Variants in GARNL3 observed in about 807,000 individuals in gnomAD.
GARNL3 encodes the protein GTPase activating Rap/RanGAP domain like 3.
A neutral mutation model predicts 125.0 loss-of-function variants in GARNL3; 63 were observed. The ratio of observed to expected loss-of-function variants is 0.50; its 90% CI spans 0.41 to 0.62. The LOEUF (loss-of-function observed/expected upper bound fraction) is 0.62, where lower values mean the gene tolerates loss of function less well. Ranked by LOEUF, GARNL3 falls within the 20% of genes least tolerant of loss-of-function variation. The probability of loss-of-function intolerance (pLI) is 0.00; values close to 1 mark genes in which losing one functional copy is unlikely to be tolerated. For synonymous variants in GARNL3, 439 were observed against 457.5 expected (o/e 0.96, Z 0.52); for missense variants, 994 against 1,244.0 (o/e 0.80, Z 3.02).
rs1246291877 is a variant in GARNL3, at chr9:127,332,364, C to T, written c.670+15C>T. On this transcript the variant is annotated intron_variant, in intron 8 of 27. Transcript: ENST00000373387. ...GTTCAGCAATGGTGAGTGATCTCCTCCCGCTCTCTGCTGCCAGAGACCCTG... is the reference window on the plus strand; with the variant it reads ...GTTCAGCAATGGTGAGTGATCTCCTTCCGCTCTCTGCTGCCAGAGACCCTG... 8 of 1,607,486 alleles carry T rather than the reference C, an allele frequency of 5.0e-6. No homozygotes were observed. The highest frequency in any genetic ancestry group is 8.5e-7 in the Non-Finnish European group (1 of 1,174,198).
intron 21 of GARNL3, among the ~76,000 whole-genome samples, chr9:127,359,346 C>T (rs750539996): frequency 3.3e-5 from 5 of 152,170 alleles, no homozygotes; most frequent in East Asian, 1.9e-4. Context: ...AAAAATTAGC[C>T]GGGTCTGGTG....
chr9:127,317,891 A>G (rs749104747), intron 4 of GARNL3, among the ~76,000 whole-genome samples, 172 bp from the exon 5 acceptor site: 18 of 152,236 alleles, frequency 1.2e-4, no homozygotes, highest in Non-Finnish European at 2.5e-4. Context: ...GGAAGTTGCT[A>G]TCAAACCTGA....
intron 1 of GARNL3, among the ~76,000 whole-genome samples, chr9:127,231,258 G>C (rs1437554093): frequency 1.9e-5 from 2 of 106,482 alleles, no homozygotes; most frequent in Non-Finnish European, 3.7e-5. Context: ...ATTTTTAGTA[G>C]AGACAGGGTT....
chr9:127,392,958 A>T lies in GARNL3; in HGVS notation c.2871-125A>T. On this transcript the variant is annotated intron_variant, in intron 27 of 27. Transcript: ENST00000373387. The surrounding 1 kb of genome is among the most constrained non-coding windows in gnomAD (Gnocchi z 5.2). Reference sequence around the variant, plus strand: ...ATTCCAGCACTTCCCCACCTCTACCACATAACAGTGAGGGTTTGGTGAGCC... The same window carrying T: ...ATTCCAGCACTTCCCCACCTCTACCTCATAACAGTGAGGGTTTGGTGAGCC... 1 of 754,340 alleles carries T rather than the reference A, an allele frequency of 1.3e-6. No individual in the cohort carries two copies. The highest frequency in any genetic ancestry group is 2.2e-6 in the Non-Finnish European group (1 of 456,920). The allele number at this position is 754,340 out of a possible 1,614,324, so 46.7% of individuals were successfully genotyped here.
chr9:127,326,530 G>T (rs1289309694), intron 7 of GARNL3, among the ~76,000 whole-genome samples: 1 of 152,156 alleles, frequency 6.6e-6, no homozygotes, highest in Non-Finnish European at 1.5e-5. Context: ...ATTACACATT[G>T]CATGCCTGTA....
chr9:127,249,829 G>A (rs1421917438), intron 2 of GARNL3, among the ~76,000 whole-genome samples: 3 of 152,010 alleles, frequency 2.0e-5, no homozygotes, highest in African/African-American at 7.3e-5. Context: ...CCAACATGGT[G>A]AAACCCCGTC....
chr9:127,377,995 C>G (rs1268314732), intron 22 of GARNL3, among the ~76,000 whole-genome samples: 1 of 151,938 alleles, frequency 6.6e-6, no homozygotes, highest in Non-Finnish European at 1.5e-5. Flanking sequence ...AATCCCAGCA[C>G]TTTGGGAAAC....
At chr9:127,314,546 C>T (rs926057682) in intron 4 of GARNL3, among the ~76,000 whole-genome samples, 12 of 151,602 alleles carry the variant, frequency 7.9e-5, no homozygotes, top group African/African-American at 1.9e-4. Context: ...CTCCCTCCCC[C>T]TCCTTCACCC....
intron 16 of GARNL3, among the ~76,000 whole-genome samples, chr9:127,346,565 T>A (rs1282158451): frequency 1.3e-5 from 2 of 152,214 alleles, no homozygotes; most frequent in Non-Finnish European, 2.9e-5. Context: ...TCCAGTAAGA[T>A]TTAATAATGA....
intron 5 of GARNL3, among the ~76,000 whole-genome samples, chr9:127,319,222 C>T (rs529312278): frequency 2.6e-5 from 4 of 152,266 alleles, no homozygotes; most frequent in South Asian, 2.1e-4. Flanking sequence ...CAATGGTGCA[C>T]GCCTGTAATC....
chr9:127,281,867 T>G (rs1338317264), intron 1 of GARNL3, among the ~76,000 whole-genome samples: 1 of 152,268 alleles, frequency 6.6e-6, no homozygotes, highest in Non-Finnish European at 1.5e-5. Flanking sequence ...GTCTGTAATT[T>G]GCATGTGCAG....
chr9:127,248,023 CAT>C (rs2063333449), intron 2 of GARNL3, among the ~76,000 whole-genome samples: 2 of 152,122 alleles, frequency 1.3e-5, no homozygotes, highest in South Asian at 4.1e-4. Context: ...TAAGTGAAAA[CAT>C]GTGAAGTTTG....
At chr9:127,237,940 C>T (rs1470312382) in intron 1 of GARNL3, among the ~76,000 whole-genome samples, 1 of 152,168 alleles carries the variant, frequency 6.6e-6, no homozygotes, top group Non-Finnish European at 1.5e-5. Context: ...TGTCTTTGCT[C>T]CTGTGCACTT....
At chr9:127,387,852 A>G (rs1436445604) in intron 25 of GARNL3, among the ~76,000 whole-genome samples, 1 of 152,102 alleles carries the variant, frequency 6.6e-6, no homozygotes, top group East Asian at 1.9e-4. Flanking sequence ...TAATAAATAA[A>G]TAAATAAACT....
chr9:127,275,404 G>A (rs2063929256), intron 1 of GARNL3, among the ~76,000 whole-genome samples: 2 of 152,188 alleles, frequency 1.3e-5, no homozygotes, highest in South Asian at 4.1e-4. Flanking sequence ...CCCCTTGGCA[G>A]GCAACTTAGA....
chr9:127,295,939 A>AGTG, intron 2 of GARNL3, among the ~76,000 whole-genome samples: 1 of 152,120 alleles, frequency 6.6e-6, no homozygotes, highest in Non-Finnish European at 1.5e-5. Context: ...TACTCATCAT[A>AGTG]AGGTAGAATC....
intron 21 of GARNL3, among the ~76,000 whole-genome samples, chr9:127,360,256 C>G (rs1041014274): frequency 1.3e-5 from 2 of 152,076 alleles, no homozygotes; most frequent in Non-Finnish European, 2.9e-5. Flanking sequence ...CTCCTGACCT[C>G]GTGATCCCGC....
intron 1 of GARNL3, among the ~76,000 whole-genome samples, chr9:127,275,229 A>G (rs767712927): frequency 6.6e-6 from 1 of 152,230 alleles, no homozygotes; most frequent in African/African-American, 2.4e-5. Flanking sequence ...ACATGCCATG[A>G]ACATGCATAG....
chr9:127,320,556 T>C (rs1009911985), intron 5 of GARNL3, among the ~76,000 whole-genome samples, 159 bp from the exon 6 acceptor site: 2 of 152,232 alleles, frequency 1.3e-5, no homozygotes, highest in South Asian at 4.1e-4. Context: ...GTCAAGTACA[T>C]GTGGTGTTGG....
Sources: allele counts gnomAD v4.1 joint callset (sites outside exome capture counted in the v4.1 genomes callset), GRCh38; gene constraint gnomAD v4.1.1; non-coding constraint Gnocchi (gnomAD v3.1); transcripts MANE v1.5; gene names NCBI Gene and HGNC (gene_info 2026-07-23, HGNC 2026-07-21).